PPIG: variants seen among roughly 807,000 people sequenced by gnomAD.
The protein encoded by PPIG is peptidyl-prolyl cis-trans isomerase G.
Under a neutral mutation model 87.9 loss-of-function variants are expected in PPIG, and 26 were observed. The ratio of observed to expected loss-of-function variants is 0.30; its 90% CI spans 0.22 to 0.41. The LOEUF is 0.41. Ranked by LOEUF, PPIG falls within the 10% of genes least tolerant of loss-of-function variation. The pLI, the probability that PPIG is intolerant of heterozygous loss-of-function variation, is 1.00. For missense variants in PPIG, 722 were observed against 879.4 expected (o/e 0.82, Z 2.26); for synonymous variants, 308 against 276.5 (o/e 1.11, Z -1.13).
intron 12 of PPIG, among the ~76,000 whole-genome samples, chr2:169,633,843 T>G (rs887870072): frequency 2.6e-5 from 4 of 151,968 alleles, no homozygotes; most frequent in African/African-American, 9.7e-5. Flanking sequence ...CCCCTTTTTT[T>G]TTTTTGAGAT....
chr2:169,625,618 G>A (rs1465058387), intron 9 of PPIG, among the ~76,000 whole-genome samples: 1 of 151,974 alleles, frequency 6.6e-6, no homozygotes, highest in African/African-American at 2.4e-5. Flanking sequence ...TATATGAACC[G>A]ATTGTTGATT....
chr2:169,593,753 G>C (rs547714272), intron 1 of PPIG, among the ~76,000 whole-genome samples: 14 of 143,172 alleles, frequency 9.8e-5, no homozygotes, highest in African/African-American at 3.6e-4. Flanking sequence ...CCAGGTTCAC[G>C]CCATTCTCCT....
At chr2:169,605,686 C>G (rs1159860444) in intron 4 of PPIG, among the ~76,000 whole-genome samples, 1 of 151,812 alleles carries the variant, frequency 6.6e-6, no homozygotes, top group Non-Finnish European at 1.5e-5. Context: ...GTAATCCCAG[C>G]CACTCAGGAG....
chr2:169,602,182 C>T (rs1158250738), intron 1 of PPIG, among the ~76,000 whole-genome samples: 3 of 151,658 alleles, frequency 2.0e-5, no homozygotes, highest in African/African-American at 7.3e-5. Flanking sequence ...AACTGTGTCC[C>T]ATCCCCAGGA....
chr2:169,597,463 T>G (rs1231828709), intron 1 of PPIG, among the ~76,000 whole-genome samples: 1 of 151,240 alleles, frequency 6.6e-6, no homozygotes, highest in African/African-American at 2.4e-5. Context: ...CTGGCCCCAC[T>G]TTCGTTTTTC....
chr2:169,632,875 C>T (rs529321917), intron 11 of PPIG, among the ~76,000 whole-genome samples: 1 of 151,774 alleles, frequency 6.6e-6, no homozygotes, highest in East Asian at 2.0e-4. Flanking sequence ...CATAGTGGCT[C>T]ACACCTATAA....
chr2:169,620,039 C>T (rs1418941104), intron 9 of PPIG, among the ~76,000 whole-genome samples: 2 of 152,048 alleles, frequency 1.3e-5, no homozygotes, highest in African/African-American at 2.4e-5. Context: ...TGTATCTTCA[C>T]TCTGTTGATT....
chr2:169,593,080 T>C (rs766544388), intron 1 of PPIG, among the ~76,000 whole-genome samples: 2 of 152,132 alleles, frequency 1.3e-5, no homozygotes, highest in Non-Finnish European at 2.9e-5. Flanking sequence ...ATACATCTTA[T>C]AGCCATTTCC....
At chr2:169,615,098 G>T (rs1685578780) in intron 9 of PPIG, among the ~76,000 whole-genome samples, 1 of 151,950 alleles carries the variant, frequency 6.6e-6, no homozygotes, top group Non-Finnish European at 1.5e-5. Context: ...ACCCAGGCTG[G>T]AGTGCAGTGG....
At chr2:169,628,999 T>G (rs1359437316) in intron 9 of PPIG, among the ~76,000 whole-genome samples, 1 of 146,918 alleles carries the variant, frequency 6.8e-6, no homozygotes, top group Non-Finnish European at 1.5e-5. Context: ...ATACCAAATC[T>G]TCAGATGTTC....
In PPIG at chr2:169,638,307, A is replaced by G. The variant is rs1686236307; in HGVS notation, c.*784A>G. The G allele has an allele frequency of 6.6e-6, 1 of 151,524 alleles. No individual in the cohort carries two copies. The highest frequency in any genetic ancestry group is 1.5e-5 in the Non-Finnish European group (1 of 67,850). The allele number at this position is 151,524 out of a possible 1,614,324, so 9.4% of individuals were successfully genotyped here. A position where few individuals can be genotyped will look rare whatever the true frequency, so the allele number is the denominator to read the frequency against. On this transcript the variant is annotated 3_prime_UTR_variant, in exon 14 of 14. Transcript: ENST00000260970. ...GCTTTTGGTTTGAAGAGTTTTGGGA[A>G]CGTTTTAATTATTAATTACCCTTCT...
chr2:169,604,327 G>GGTTTTTTTTTTTTTTTT (rs1418230966), intron 4 of PPIG, 66 bp downstream of exon 4: 1 of 296,436 alleles, frequency 3.4e-6, no homozygotes, highest in African/African-American at 5.0e-5. Context: ...TGCTTGCTTG[G>GGTTTTTTTTTTTTTTTT]TTTTTTTTTT....
chr2:169,607,111 A>C lies in PPIG; in HGVS notation c.252A>C (p.Gly84=), dbSNP rs116036049. The part of the protein sequence containing the change: ...VQGGDFSEGN[G]RGGESIYGGF... ...TATGTTTTTCATTTTTAGGAAATGG[A>C]CGAGGAGGGGAATCTATCTATGGAG... is the stretch of plus-strand genomic sequence containing the variant. Residue 84 remains glycine (G), a synonymous_variant, in exon 6 of 14, where the codon GGA becomes GGC. Coordinates refer to ENST00000260970, the MANE Select transcript of PPIG (RefSeq NM_004792.3). 5.1e-5 allele frequency: 80 copies of C among 1,569,188 alleles called. No individual in the cohort carries two copies. The highest frequency in any genetic ancestry group is 3.9e-4 in the Admixed American group (23 of 59,446).
Position 169,612,675 on chromosome 2 carries a change from C to T in PPIG, c.378-1789C>T, listed in dbSNP as rs527913760. Among the ~76,000 whole-genome samples the T allele has an allele frequency of 9.2e-5, 14 of 152,284 alleles. No individual in the cohort carries two copies. In the South Asian group the frequency reaches 2.5e-3, roughly 27 times the overall value. ...GGGATTACAGACGTGAGCCACTGCACCTGGCATGAAGTCCATTTTTTATGG... is the reference window on the plus strand; with the variant it reads ...GGGATTACAGACGTGAGCCACTGCATCTGGCATGAAGTCCATTTTTTATGG... On this transcript the variant is annotated intron_variant, in intron 7 of 13. Transcript: ENST00000260970.
In PPIG at chr2:169,592,308, T is replaced by TTC. The variant is rs1252602847; in HGVS notation, c.-70+7819_-70+7820insCT. Among the ~76,000 whole-genome samples the TTC allele has an allele frequency of 1.2e-3, 168 of 135,164 alleles. 2 individuals are homozygous for TTC. The highest frequency in any genetic ancestry group is 4.0e-3 in the African/African-American group (144 of 35,716). The allele number at this position is 135,164 out of a possible 152,430, so 88.7% of individuals were successfully genotyped here. A position where few individuals can be genotyped will look rare whatever the true frequency, so the allele number is the denominator to read the frequency against. The stretch of plus-strand genomic sequence containing the variant: ...TGGTTTCAGATGTCTTTTTTCTTTT[T>TTC]TTTTTTTTTTTTTTGAGATGGAGTC... On this transcript the variant is annotated intron_variant, in intron 1 of 13. Transcript: ENST00000260970.
intron 9 of PPIG, among the ~76,000 whole-genome samples, chr2:169,627,849 G>A (rs1685933478): frequency 6.6e-6 from 1 of 151,688 alleles, no homozygotes; most frequent in African/African-American, 2.4e-5. Flanking sequence ...TTTAATTGTG[G>A]GGTAAAGAGT....
At chr2:169,584,912 A>G in intron 1 of PPIG, 1 of 208,924 alleles carries the variant, frequency 4.8e-6, no homozygotes, top group South Asian at 5.9e-5. Context: ...AGGTGGCGGG[A>G]CTGGTGGGGA....
rs1001595741 is a variant in PPIG, at chr2:169,593,756, A to G, written c.-70+9266A>G. On this transcript the variant is annotated intron_variant, in intron 1 of 13. Coordinates refer to ENST00000260970, the MANE Select transcript of PPIG (RefSeq NM_004792.3). ...AAGCTTCACCTCCCAGGTTCACGCCATTCTCCTGCCTCAGCCTCCAGGTGG... is the reference window on the plus strand; with the variant it reads ...AAGCTTCACCTCCCAGGTTCACGCCGTTCTCCTGCCTCAGCCTCCAGGTGG... 4.3e-5 allele frequency among the ~76,000 whole-genome samples: 6 copies of G among 139,434 alleles called. No individual in the cohort carries two copies. In the East Asian group the frequency reaches 8.6e-4, roughly 20 times the overall value. The allele number at this position is 139,434 out of a possible 152,430, so 91.5% of individuals were successfully genotyped here. A position where few individuals can be genotyped will look rare whatever the true frequency, so the allele number is the denominator to read the frequency against.
intron 1 of PPIG, among the ~76,000 whole-genome samples, chr2:169,594,382 C>A (rs534255279): frequency 6.7e-6 from 1 of 149,390 alleles, no homozygotes; most frequent in Non-Finnish European, 1.5e-5. Context: ...TTCCTGATTA[C>A]GAAATTGAAG....
Sources: gnomAD v4.1 joint callset for allele counts (sites outside exome capture counted in the v4.1 genomes callset) on GRCh38, gnomAD v4.1.1 for gene constraint, MANE v1.5 for transcripts, NCBI Gene and HGNC (gene_info 2026-07-23, HGNC 2026-07-21) for gene names.